The following SLC39A11 variants were observed in gnomAD, a reference collection of about 807,000 sequenced individuals.
SLC39A11 encodes zinc transporter ZIP11.
In SLC39A11, 33 loss-of-function variants were observed where a neutral mutation model predicts 36.1. The ratio of observed to expected loss-of-function variants is 0.91; its 90% CI spans 0.69 to 1.22. SLC39A11 has a LOEUF of 1.22. Ranked by LOEUF, SLC39A11 falls within the 50% of genes most tolerant of loss-of-function variation. SLC39A11 has a pLI of 0.00. For synonymous variants in SLC39A11, 166 were observed against 170.3 expected (o/e 0.97, Z 0.20); for missense variants, 432 against 430.3 (o/e 1.00, Z -0.03).
intron 5 of SLC39A11, among the ~76,000 whole-genome samples, chr17:72,940,713 T>C (rs2085051232): frequency 6.6e-6 from 1 of 152,222 alleles, no homozygotes; most frequent in Non-Finnish European, 1.5e-5. Flanking sequence ...TGAGAGAATC[T>C]AGAAGGCAGA....
chr17:72,702,621 T>A (rs968472520), intron 7 of SLC39A11, among the ~76,000 whole-genome samples: 2 of 152,060 alleles, frequency 1.3e-5, no homozygotes, highest in Non-Finnish European at 2.9e-5. Context: ...GTATGGGAAT[T>A]CCTCTTTTCC....
intron 7 of SLC39A11, among the ~76,000 whole-genome samples, chr17:72,718,400 C>T (rs2143518175): frequency 6.6e-6 from 1 of 152,298 alleles, no homozygotes; most frequent in South Asian, 2.1e-4. Flanking sequence ...GATCAGGCCA[C>T]TGCACCCCAG....
intron 5 of SLC39A11, among the ~76,000 whole-genome samples, chr17:72,850,090 C>T (rs896928660): frequency 1.3e-5 from 2 of 152,106 alleles, no homozygotes; most frequent in African/African-American, 4.8e-5. Flanking sequence ...TCCAAACTTC[C>T]TGTAGACTAT....
intron 5 of SLC39A11, among the ~76,000 whole-genome samples, chr17:72,907,851 G>A (rs941737635): frequency 2.6e-5 from 4 of 152,240 alleles, no homozygotes; most frequent in Non-Finnish European, 4.4e-5. Context: ...AGACTGCGGT[G>A]CACAGCATGG....
At position 72,963,790 on chromosome 17, in the gene SLC39A11, G is replaced by A. The variant is rs568187398; in HGVS notation, c.307-15915C>T. 3.3e-5 allele frequency among the ~76,000 whole-genome samples: 5 copies of A among 152,280 alleles called. 1 individual carries two copies. The highest frequency in any genetic ancestry group is 9.6e-5 in the African/African-American group (4 of 41,572). ...GGCTTCAGCTCAGCCATCCAGGGAAGATATCTGTGTTGGCCTCAGGGGCAA... is the reference window on the plus strand; with the variant it reads ...GGCTTCAGCTCAGCCATCCAGGGAAAATATCTGTGTTGGCCTCAGGGGCAA... On this transcript the variant is annotated intron_variant, in intron 4 of 9. Coordinates refer to ENST00000255559, the MANE Select transcript of SLC39A11 (RefSeq NM_139177.4).
rs111746082 is a variant in SLC39A11 at position 72,939,528 on chromosome 17, C to A, written c.430+8224G>T. Among the ~76,000 whole-genome samples, 933 of 151,880 alleles carry A rather than the reference C, an allele frequency of 6.1e-3. 7 individuals are homozygous for A. Among genetic ancestry groups the A allele is most frequent in the African/African-American group, 0.021 (883 of 41,408 alleles). On this transcript the variant is annotated intron_variant, in intron 5 of 9. Coordinates refer to ENST00000255559, the MANE Select transcript of SLC39A11 (RefSeq NM_139177.4). ...CAGATGTAATTAGTTAAGAAGCAGT[C>A]ATACAGGATTAAGTGAGCCCTAAAT...
intron 5 of SLC39A11, among the ~76,000 whole-genome samples, chr17:72,886,337 T>C (rs2081436997): frequency 6.6e-6 from 1 of 152,232 alleles, no homozygotes; most frequent in East Asian, 1.9e-4. Flanking sequence ...ACTTGAGTAT[T>C]CAGAGGCATC....
chr17:72,924,720 G>A (rs998333718), intron 5 of SLC39A11, among the ~76,000 whole-genome samples: 2 of 152,108 alleles, frequency 1.3e-5, no homozygotes, highest in Non-Finnish European at 2.9e-5. Flanking sequence ...AAGTCAGAGA[G>A]AGGCCAGGCA....
At chr17:72,967,399 A>AGAGAGTGTGTGTGTGTGTGT (rs143987646) in intron 4 of SLC39A11, among the ~76,000 whole-genome samples, 1 of 138,200 alleles carries the variant, frequency 7.2e-6, no homozygotes, top group African/African-American at 2.8e-5. Flanking sequence ...AGAGAGAGAG[A>AGAGAGTGTGTGTGTGTGTGT]GTGTGTGTGT....
intron 4 of SLC39A11, among the ~76,000 whole-genome samples, chr17:72,954,085 T>C (rs1439486107): frequency 1.3e-5 from 2 of 152,196 alleles, no homozygotes; most frequent in African/African-American, 2.4e-5. Flanking sequence ...CTCACTCTGT[T>C]GCCCAGGCTG....
chr17:72,784,011 G>A (rs981989722), intron 6 of SLC39A11, among the ~76,000 whole-genome samples: 2 of 152,104 alleles, frequency 1.3e-5, no homozygotes, highest in South Asian at 2.1e-4. Context: ...GTAACTGTGG[G>A]TAGGGGTACA....
chr17:72,762,127 T>C (rs976745482), intron 6 of SLC39A11, among the ~76,000 whole-genome samples: 1 of 152,174 alleles, frequency 6.6e-6, no homozygotes, highest in Non-Finnish European at 1.5e-5. Flanking sequence ...GAATAGGGGC[T>C]GCGTAAAATG....
intron 3 of SLC39A11, among the ~76,000 whole-genome samples, chr17:73,041,003 AAAAAAC>A (rs1195635762): frequency 1.4e-5 from 2 of 140,346 alleles, no homozygotes; most frequent in South Asian, 2.2e-4. Context: ...AACAAAAAAC[AAAAAAC>A]AAAAAAAAAA....
chr17:72,970,416 G>A (rs2087352587), intron 4 of SLC39A11, among the ~76,000 whole-genome samples: 1 of 152,192 alleles, frequency 6.6e-6, no homozygotes, highest in African/African-American at 2.4e-5. Flanking sequence ...TCTGCAACCA[G>A]CCACATCACA....
At chr17:72,759,022 AC>A in intron 6 of SLC39A11, among the ~76,000 whole-genome samples, 1 of 152,052 alleles carries the variant, frequency 6.6e-6, no homozygotes, top group Non-Finnish European at 1.5e-5. Flanking sequence ...AATCTCTTGA[AC>A]CCGGGAGGCG....
chr17:73,055,055 C>G (rs1279168705), intron 3 of SLC39A11, among the ~76,000 whole-genome samples: 1 of 152,096 alleles, frequency 6.6e-6, no homozygotes, highest in East Asian at 1.9e-4. Context: ...GAGTAAATGA[C>G]AAGCAAACTC....
chr17:72,989,894 G>A (rs1026719268), intron 4 of SLC39A11, among the ~76,000 whole-genome samples: 7 of 152,142 alleles, frequency 4.6e-5, no homozygotes, highest in East Asian at 1.9e-4. Flanking sequence ...GACTGCTCTC[G>A]TTAGAGGCTC....
At chr17:72,744,866 G>T (rs1182749417) in intron 6 of SLC39A11, among the ~76,000 whole-genome samples, 2 of 152,158 alleles carry the variant, frequency 1.3e-5, no homozygotes, top group Non-Finnish European at 2.9e-5. Context: ...ATTTGAGATG[G>T]AGTCTTGCTC....
At chr17:73,025,121 T>C (rs2058490059) in intron 4 of SLC39A11, among the ~76,000 whole-genome samples, 1 of 152,148 alleles carries the variant, frequency 6.6e-6, no homozygotes, top group South Asian at 2.1e-4. Context: ...CTGAACATGG[T>C]TGAGGACTCA....
Sources: allele counts gnomAD v4.1 joint callset (sites outside exome capture counted in the v4.1 genomes callset), GRCh38; gene constraint gnomAD v4.1.1; transcripts MANE v1.5; gene names NCBI Gene and HGNC (gene_info 2026-07-23, HGNC 2026-07-21).